Variants in NIPBL observed in about 807,000 individuals in gnomAD.
NIPBL encodes NIPBL cohesin loading factor, also known as nipped-B-like protein.
In NIPBL, 19 loss-of-function variants were observed where a neutral mutation model predicts 321.8. That is an observed-to-expected ratio of 0.06 (90% confidence interval 0.04 to 0.09). The LOEUF is 0.09. Ranked by LOEUF, NIPBL falls within the 10% of genes least tolerant of loss-of-function variation. The pLI is 1.00. For missense variants in NIPBL, 2,210 were observed against 3,327.0 expected (o/e 0.66, Z 8.26); for synonymous variants, 1,106 against 1,114.1 (o/e 0.99, Z 0.14).
Position 36,955,597 on chromosome 5 carries a change from C to A in NIPBL, c.190C>A (p.Gln64Lys). The change falls in exon 3 of 47, where the codon CAG (glutamine) becomes AAG (lysine). Residue 64 changes from glutamine to lysine, a missense_variant. Gln to Lys is a moderately conservative substitution (Grantham distance 53). Around this residue, in one of 14 missense-constraint regions of NIPBL, gnomAD observed 464 missense variants for 529.5 expected, o/e 0.88. Coordinates refer to ENST00000282516, the MANE Select transcript of NIPBL (RefSeq NM_133433.4). Reference protein sequence around the residue: ...LACRDDNLVSQLVHSLNQVST... With the variant: ...LACRDDNLVSKLVHSLNQVST... ...TTGTAGGGATGACAATTTGGTTTCACAGCTTGTCCATAGCCTCAACCAGGT... is the reference window on the plus strand; with the variant it reads ...TTGTAGGGATGACAATTTGGTTTCAAAGCTTGTCCATAGCCTCAACCAGGT... The A allele has an allele frequency of 1.2e-6, 2 of 1,614,042 alleles. No homozygotes were observed. The highest frequency in any genetic ancestry group is 1.7e-6 in the Non-Finnish European group (2 of 1,179,964).
intron 10 of NIPBL, among the ~76,000 whole-genome samples, chr5:36,987,335 G>C (rs1273421493): frequency 6.6e-6 from 1 of 152,144 alleles, no homozygotes; most frequent in South Asian, 2.1e-4. Context: ...GGTAACCATT[G>C]CCTTTTTTGG....
intron 1 of NIPBL, among the ~76,000 whole-genome samples, chr5:36,897,635 A>G (rs773918417): frequency 2.6e-5 from 4 of 152,226 alleles, no homozygotes; most frequent in Admixed American, 6.5e-5. Flanking sequence ...AACTATGTCA[A>G]CATTTTCATT....
In NIPBL at chr5:36,961,429, A is replaced by C. The variant is rs935684425; in HGVS notation, c.359-55A>C. On this transcript the variant is annotated intron_variant, in intron 4 of 46. Transcript: ENST00000282516. ...AGAATAACTGATTTCAGTTATTTAA[A>C]GGACACTTTACTGTTAGAAGAAAAT... is the stretch of plus-strand genomic sequence containing the variant. 5 of 1,020,612 alleles carry C rather than the reference A, an allele frequency of 4.9e-6. No homozygotes were observed. In the Admixed American group the frequency reaches 6.8e-5, roughly 14 times the overall value. The allele number at this position is 1,020,612 out of a possible 1,614,324, so 63.2% of individuals were successfully genotyped here.
chr5:37,061,150 CTCTA>C, intron 45 of NIPBL, 132 bp downstream of exon 45: 1 of 688,584 alleles, frequency 1.5e-6, no homozygotes, highest in Non-Finnish European at 2.5e-6. Flanking sequence ...GATAATTTTT[CTCTA>C]TCTTATTTTA....
At chr5:36,945,294 ATT>A (rs1424245969) in intron 1 of NIPBL, among the ~76,000 whole-genome samples, 2 of 152,174 alleles carry the variant, frequency 1.3e-5, no homozygotes, top group African/African-American at 4.8e-5. Context: ...CTGCAAATCC[ATT>A]TAACTGTATA....
chr5:36,968,149 A>G (rs768283743), intron 6 of NIPBL, among the ~76,000 whole-genome samples: 10 of 151,808 alleles, frequency 6.6e-5, no homozygotes, highest in Non-Finnish European at 1.5e-4. Context: ...TTATCAACCT[A>G]TATGACAAAA....
Position 37,048,489 on chromosome 5 carries a change from C to A in NIPBL, c.6590-13C>A. 6.6e-7 allele frequency: 1 copy of A among 1,506,402 alleles called. No individual in the cohort carries two copies. Among genetic ancestry groups the A allele is most frequent in the South Asian group, 1.4e-5 (1 of 72,194 alleles). The allele number at this position is 1,506,402 out of a possible 1,614,324, so 93.3% of individuals were successfully genotyped here. ...ATATGAATATATGATGAGATTTTTC[C>A]CCTCTCCCATAGGATTTGCCTTTAT... On this transcript the variant is annotated splice_polypyrimidine_tract_variant and intron_variant, in intron 38 of 46. Transcript: ENST00000282516.
chr5:37,010,153 A>G lies in NIPBL; in HGVS notation c.4488A>G (p.Gln1496=). The change falls in exon 21 of 47, where the codon CAA becomes CAG. Residue 1496 remains glutamine, a synonymous_variant. Transcript: ENST00000282516. ...AGATGGTTACAGCACTGGTTTTACA[A>G]CTTATTCAGTGTGTGGTACACTTAC... ...YIQMVTALVL[Q]LIQCVVHLPS... 1 of 1,610,832 alleles carries G rather than the reference A, an allele frequency of 6.2e-7. No homozygotes were observed. The highest frequency in any genetic ancestry group is 8.5e-7 in the Non-Finnish European group (1 of 1,177,112).
chr5:37,048,777 G>A lies in NIPBL; in HGVS notation c.6763+102G>A, dbSNP rs551914932. Reference sequence around the variant, plus strand: ...TAAATTTCCTTATTTGTTAGATGAAGAAATTCAGTTAAATAGCAGTCCTTA... The same window carrying A: ...TAAATTTCCTTATTTGTTAGATGAAAAAATTCAGTTAAATAGCAGTCCTTA... On this transcript the variant is annotated intron_variant, in intron 39 of 46. Transcript: ENST00000282516. 333 of 1,017,274 alleles carry A rather than the reference G, an allele frequency of 3.3e-4. 2 individuals carry two copies. In the East Asian group the frequency reaches 8.4e-3, roughly 26 times the overall value. 63.0% of individuals were successfully genotyped at this position (1,017,274 alleles called of 1,614,324 possible).
At chr5:36,924,928 GT>G (rs1749235990) in intron 1 of NIPBL, among the ~76,000 whole-genome samples, 1 of 151,958 alleles carries the variant, frequency 6.6e-6, no homozygotes, top group South Asian at 2.1e-4. Context: ...CAGTATCTTT[GT>G]CAGTAAAATT....
chr5:36,878,288 G>A (rs999665858), intron 1 of NIPBL, among the ~76,000 whole-genome samples: 1 of 152,184 alleles, frequency 6.6e-6, no homozygotes, highest in African/African-American at 2.4e-5. Flanking sequence ...AATGAGAGAG[G>A]TGTCATTTTA....
At chr5:37,059,794 G>T (rs952320398) in intron 44 of NIPBL, among the ~76,000 whole-genome samples, 2 of 152,148 alleles carry the variant, frequency 1.3e-5, no homozygotes, top group African/African-American at 4.8e-5. Flanking sequence ...AGTAACAGAT[G>T]TAAACCAACT....
In NIPBL at chr5:36,897,419, T is replaced by C. The variant is rs370455542; in HGVS notation, c.-80+20241T>C. Reference sequence around the variant, plus strand: ...CCTTGCTGAACTTGTTTATTAATTGTAACTCATGCTCTTCTTTCTAGGGAC... The same window carrying C: ...CCTTGCTGAACTTGTTTATTAATTGCAACTCATGCTCTTCTTTCTAGGGAC... On this transcript the variant is annotated intron_variant, in intron 1 of 46. Transcript: ENST00000282516. 2.6e-4 allele frequency among the ~76,000 whole-genome samples: 40 copies of C among 152,328 alleles called. 2 individuals carry two copies. In the South Asian group the frequency reaches 8.1e-3, roughly 31 times the overall value.
At position 36,985,191 on chromosome 5, in the gene NIPBL, C is replaced by A. The variant is rs1422725879; in HGVS notation, c.2011C>A (p.Pro671Thr). Residue 671 changes from proline (P) to threonine (T), a missense_variant, in exon 10 of 47, where the codon CCT (proline) becomes ACT (threonine). Around this residue, in one of 14 missense-constraint regions of NIPBL, gnomAD observed 588 missense variants for 564.1 expected, o/e 1.04. Transcript: ENST00000282516. ...CKQNESTIVE[P>T]KQNENRLSDT... Reference sequence around the variant, plus strand: ...ACAAAACGAGAGCACCATAGTTGAGCCTAAACAAAATGAAAATAGACTGTC... The same window carrying A: ...ACAAAACGAGAGCACCATAGTTGAGACTAAACAAAATGAAAATAGACTGTC... The A allele has an allele frequency of 1.2e-6, 2 of 1,613,718 alleles. No individual in the cohort carries two copies. Among genetic ancestry groups the A allele is most frequent in the Non-Finnish European group, 1.7e-6 (2 of 1,179,896 alleles).
At chr5:36,891,689 A>T (rs1746344009) in intron 1 of NIPBL, among the ~76,000 whole-genome samples, 2 of 152,172 alleles carry the variant, frequency 1.3e-5, no homozygotes, top group Admixed American at 1.3e-4. Context: ...TCTGTGTTTT[A>T]TTTTAAAGAC....
intron 1 of NIPBL, among the ~76,000 whole-genome samples, chr5:36,934,956 C>G (rs894031811): frequency 6.6e-6 from 1 of 152,088 alleles, no homozygotes; most frequent in East Asian, 1.9e-4. Context: ...ACTCACCATG[C>G]GCGTTGAATG....
intron 1 of NIPBL, among the ~76,000 whole-genome samples, chr5:36,926,841 A>G (rs1201957728): frequency 1.3e-5 from 2 of 152,158 alleles, no homozygotes; most frequent in African/African-American, 4.8e-5. Flanking sequence ...AATTAAACCA[A>G]TTATTTTAGA....
intron 1 of NIPBL, among the ~76,000 whole-genome samples, chr5:36,920,523 A>T (rs1748850155): frequency 6.6e-6 from 1 of 152,170 alleles, no homozygotes; most frequent in South Asian, 2.1e-4. Context: ...TATTTTTGAT[A>T]AGAAAGCACT....
intron 29 of NIPBL, among the ~76,000 whole-genome samples, chr5:37,023,054 A>C (rs1167890913): frequency 2.0e-5 from 3 of 152,252 alleles, no homozygotes; most frequent in Non-Finnish European, 4.4e-5. Context: ...ACATAGATGC[A>C]CTAGTGCACA....
Sources: gnomAD v4.1 joint callset for allele counts (sites outside exome capture counted in the v4.1 genomes callset) on GRCh38, gnomAD v4.1.1 for gene constraint, gnomAD v4.1.1 regional missense constraint, MANE v1.5 for transcripts, NCBI Gene and HGNC (gene_info 2026-07-23, HGNC 2026-07-21) for gene names.